Variants in CTU2 observed in about 807,000 individuals in gnomAD.
CTU2 encodes cytosolic thiouridylase subunit 2, also known as cytoplasmic tRNA 2-thiolation protein 2.
A neutral mutation model predicts 64.1 loss-of-function variants in CTU2; 80 were observed. That is an observed-to-expected ratio of 1.25 (90% CI 1.04 to 1.50). The LOEUF (loss-of-function observed/expected upper bound fraction) is 1.50, where lower values mean the gene tolerates loss of function less well. CTU2 is among the 40% of genes most tolerant of loss of function. The pLI, the probability that CTU2 is intolerant of heterozygous loss-of-function variation, is 0.00. For synonymous variants in CTU2, 482 were observed against 285.3 expected (o/e 1.69, Z -6.95); for missense variants, 1,110 against 690.2 (o/e 1.61, Z -6.81).
At chr16:88,707,906 G>A (rs1567645094) in intron 2 of CTU2, among the ~76,000 whole-genome samples, 1 of 152,040 alleles carries the variant, frequency 6.6e-6, no homozygotes, top group Non-Finnish European at 1.5e-5. Context: ...TACCTCCTGG[G>A]TTCAAGTGAT....
At chr16:88,714,025 G>T in intron 9 of CTU2, 111 bp from the exon 10 acceptor site, 2 of 1,173,362 alleles carry the variant, frequency 1.7e-6, no homozygotes, top group South Asian at 1.3e-5. Context: ...AGCAAAGCCA[G>T]ACCCATGTGG....
At position 88,712,322 on chromosome 16, in the gene CTU2, C is replaced by T; in HGVS notation, c.392C>T (p.Ala131Val). 1.2e-6 allele frequency: 2 copies of T among 1,610,326 alleles called. No homozygotes were observed. Among genetic ancestry groups the T allele is most frequent in the South Asian group, 2.2e-5 (2 of 90,188 alleles). The stretch of plus-strand genomic sequence containing the variant: ...CTAGAGGAGAGATCAAAGACCCTGG[C>T]CGAAGTGAAGCCCATTCTGCAAGCA... ...QSLEERSKTLAEVKPILQATG... is the reference protein window; with the variant it reads ...QSLEERSKTLVEVKPILQATG... Residue 131 changes from alanine (A) to valine (V), a missense_variant, in exon 6 of 15, where the codon GCC becomes GTC. Coordinates refer to ENST00000453996, the MANE Select transcript of CTU2 (RefSeq NM_001012759.3).
Position 88,712,653 on chromosome 16 carries a change from G to A in CTU2, c.485G>A (p.Cys162Tyr). 1 of 1,610,532 alleles carries A rather than the reference G, an allele frequency of 6.2e-7. No homozygotes were observed. Among genetic ancestry groups the A allele is most frequent in the Non-Finnish European group, 8.5e-7 (1 of 1,179,576 alleles). ...AGCCTGCCACCGTCGGTGCTTTGGT[G>A]CTCTGCCCAGGAGCTGGTGGGATCC... ...VFSLPPSVLWCSAQELVGSEG... is the reference protein window; with the variant it reads ...VFSLPPSVLWYSAQELVGSEG... The change falls in exon 7 of 15, where the codon TGC becomes TAC. Residue 162 changes from cysteine to tyrosine, a missense_variant. Coordinates refer to ENST00000453996, the MANE Select transcript of CTU2 (RefSeq NM_001012759.3).
Position 88,714,371 on chromosome 16 carries a change from A to G in CTU2, c.1098-12A>G, listed in dbSNP as rs775076153. The G allele has an allele frequency of 1.7e-5, 28 of 1,611,902 alleles. No homozygotes were observed. The highest frequency in any genetic ancestry group is 5.3e-5 in the African/African-American group (4 of 74,884). On this transcript the variant is annotated splice_polypyrimidine_tract_variant and intron_variant, in intron 10 of 14. Transcript: ENST00000453996. ...GTGTGATTCACCTGCTCCTCCCACA[A>G]TCCGGCCACAGGACAAGTGAGAAGC...
At chr16:88,711,239 C>T (rs1013744093) in intron 4 of CTU2, among the ~76,000 whole-genome samples, 1 of 152,118 alleles carries the variant, frequency 6.6e-6, no homozygotes, top group African/African-American at 2.4e-5. Flanking sequence ...TGCCCAGCGG[C>T]GCCCCTGCCT....
intron 2 of CTU2, among the ~76,000 whole-genome samples, chr16:88,708,801 G>T (rs1280850653): frequency 6.6e-6 from 1 of 152,150 alleles, no homozygotes; most frequent in Non-Finnish European, 1.5e-5. Context: ...TGTCCGCTCT[G>T]TACCGGGTGC....
Position 88,713,384 on chromosome 16 carries a change from C to G in CTU2, c.810C>G (p.Arg270=). 1 of 1,604,582 alleles carries G rather than the reference C, an allele frequency of 6.2e-7. No homozygotes were observed. Among genetic ancestry groups the G allele is most frequent in the East Asian group, 2.3e-5 (1 of 43,994 alleles). ...SKVMTGDSCT[R]LAIKLMTNLA... ...TCATGACTGGGGACAGCTGCACACG[C>G]TTGGCTATCAAGCTCATGACCAACC... The change falls in exon 8 of 15, where the codon CGC becomes CGG. Residue 270 remains arginine (R), a synonymous_variant. Coordinates refer to ENST00000453996, the MANE Select transcript of CTU2 (RefSeq NM_001012759.3).
chr16:88,714,540 T>TG (rs1911724021), intron 11 of CTU2, 47 bp from the exon 12 acceptor site: 1 of 1,612,466 alleles, frequency 6.2e-7, no homozygotes, highest in East Asian at 2.2e-5. Context: ...GGAGTGGGTG[T>TG]GGGGGCTCAG....
intron 5 of CTU2, 112 bp downstream of exon 5, chr16:88,711,807 T>G: frequency 9.8e-7 from 1 of 1,022,438 alleles, no homozygotes; most frequent in Non-Finnish European, 1.4e-6. Flanking sequence ...TGGTAGGATG[T>G]GTTGAGCTAC....
chr16:88,707,629 T>C (rs1205035481), intron 2 of CTU2, among the ~76,000 whole-genome samples: 2 of 152,166 alleles, frequency 1.3e-5, no homozygotes, highest in South Asian at 2.1e-4. Flanking sequence ...TGTGGCAGGA[T>C]AGAGGCTTGG....
chr16:88,708,586 C>T (rs1183345779), intron 2 of CTU2, among the ~76,000 whole-genome samples: 2 of 152,176 alleles, frequency 1.3e-5, no homozygotes, highest in Non-Finnish European at 2.9e-5. Flanking sequence ...TGATACTTGC[C>T]AGTTACCTGC....
intron 3 of CTU2, 21 bp downstream of exon 3, chr16:88,710,037 G>A (rs1458951433): frequency 3.1e-6 from 5 of 1,612,708 alleles, no homozygotes; most frequent in Middle Eastern, 1.6e-4. Flanking sequence ...GGTCCTGGGG[G>A]TCTGACTGAG....
intron 2 of CTU2, 121 bp downstream of exon 2, chr16:88,707,331 C>A (rs1910952152): frequency 9.8e-6 from 9 of 922,996 alleles, no homozygotes; most frequent in Middle Eastern, 4.6e-4. Flanking sequence ...ATTCCTGCTC[C>A]TGATGGGGTC....
chr16:88,711,578 GAA>G, intron 4 of CTU2, 55 bp from the exon 5 acceptor site: 2 of 1,499,458 alleles, frequency 1.3e-6, no homozygotes, highest in Non-Finnish European at 1.8e-6. Flanking sequence ...TTCTGAGCTG[GAA>G]AAGTGTCCTG....
chr16:88,714,986 G>C (rs576667170), intron 13 of CTU2, 60 bp downstream of exon 13: 2 of 1,599,816 alleles, frequency 1.3e-6, no homozygotes, highest in Admixed American at 1.7e-5. Context: ...CCGTCACCTC[G>C]TGGGTGGCTT....
intron 2 of CTU2, among the ~76,000 whole-genome samples, chr16:88,707,618 C>G (rs552088221): frequency 2.6e-5 from 4 of 152,256 alleles, no homozygotes; most frequent in Non-Finnish European, 5.9e-5. Flanking sequence ...CTTGTTTCAT[C>G]TGTGGCAGGA....
At chr16:88,707,254 C>G in intron 2 of CTU2, 44 bp downstream of exon 2, 3 of 1,565,674 alleles carry the variant, frequency 1.9e-6, no homozygotes, top group Non-Finnish European at 2.6e-6. Flanking sequence ...CATGGCCTCG[C>G]TAGCAGACAG....
chr16:88,711,671 G>T lies in CTU2; in HGVS notation c.319G>T (p.Val107Leu). 4 of 1,608,762 alleles carry T rather than the reference G, an allele frequency of 2.5e-6. No individual in the cohort carries two copies. The highest frequency in any genetic ancestry group is 3.4e-6 in the Non-Finnish European group (4 of 1,176,766). Residue 107 changes from valine to leucine, a missense_variant, in exon 5 of 15, where the codon GTG becomes TTG. Physicochemically the swap from Val to Leu is conservative, Grantham distance 32. Coordinates refer to ENST00000453996, the MANE Select transcript of CTU2 (RefSeq NM_001012759.3). ...SQDSAKRLRF[V>L]AGVIFVDEGA... ...AGATTCTGCCAAAAGACTGCGCTTTGTGGCAGGAGTCATCTTTGTTGACGG... is the reference window on the plus strand; with the variant it reads ...AGATTCTGCCAAAAGACTGCGCTTTTTGGCAGGAGTCATCTTTGTTGACGG...
intron 5 of CTU2, 98 bp downstream of exon 5, chr16:88,711,793 C>T (rs1001198804): frequency 3.4e-6 from 4 of 1,175,264 alleles, no homozygotes; most frequent in African/African-American, 1.5e-5. Flanking sequence ...GCCGGTCCTC[C>T]CTCTGGTAGG....
Sources: allele counts gnomAD v4.1 joint callset (sites outside exome capture counted in the v4.1 genomes callset), GRCh38; gene constraint gnomAD v4.1.1; transcripts MANE v1.5; gene names NCBI Gene and HGNC (gene_info 2026-07-23, HGNC 2026-07-21).